SGCZ: variants seen among roughly 807,000 people sequenced by gnomAD.
SGCZ encodes zeta-sarcoglycan.
Under a neutral mutation model 41.3 loss-of-function variants are expected in SGCZ, and 40 were observed. The ratio of observed to expected loss-of-function variants is 0.97; its 90% CI spans 0.75 to 1.26. The LOEUF is 1.26. Among genes scored for constraint, SGCZ ranks in the 50% most tolerant of loss-of-function variants. SGCZ has a pLI of 0.00. For missense variants in SGCZ, 552 were observed against 369.8 expected (o/e 1.49, Z -4.04); for synonymous variants, 206 against 137.5 (o/e 1.50, Z -3.49).
intron 1 of SGCZ, among the ~76,000 whole-genome samples, chr8:14,833,320 G>C (rs1802593250): frequency 6.6e-6 from 1 of 151,886 alleles, no homozygotes; most frequent in Non-Finnish European, 1.5e-5. Flanking sequence ...TTGTCAACTG[G>C]AAAGAAAAAA....
At chr8:14,406,462 C>T (rs1258281222) in intron 2 of SGCZ, among the ~76,000 whole-genome samples, 1 of 152,104 alleles carries the variant, frequency 6.6e-6, no homozygotes, top group South Asian at 2.1e-4. Flanking sequence ...TTGTTCATTG[C>T]TGGGGAGCCA....
At chr8:14,975,434 T>C (rs1258605563) in intron 1 of SGCZ, among the ~76,000 whole-genome samples, 2 of 152,118 alleles carry the variant, frequency 1.3e-5, no homozygotes, top group Admixed American at 6.6e-5. Context: ...GATGTGTAAA[T>C]AACATTCACA....
At chr8:14,200,428 G>T (rs1805416258) in intron 4 of SGCZ, among the ~76,000 whole-genome samples, 1 of 152,034 alleles carries the variant, frequency 6.6e-6, no homozygotes, top group South Asian at 2.1e-4. Flanking sequence ...AAGAACATTG[G>T]ACAACTCACT....
chr8:15,073,142 C>G (rs1805415148), intron 1 of SGCZ, among the ~76,000 whole-genome samples: 1 of 152,050 alleles, frequency 6.6e-6, no homozygotes, highest in Non-Finnish European at 1.5e-5. Flanking sequence ...GCAAAGCTGA[C>G]CAGGCAGTGG....
In SGCZ at chr8:14,645,478, T is replaced by TTATATATATATATATATATATATA. The variant is rs1046258520; in HGVS notation, c.40-90553_40-90552insTATATATATATATATATATATATA. On this transcript the variant is annotated intron_variant, in intron 1 of 7. Transcript: ENST00000382080. ...AGTATCATTGATTATATATATATAT[T>TTATATATATATATATATATATATA]TATATGTATATATATATATATATGG... 1.6e-3 allele frequency among the ~76,000 whole-genome samples: 168 copies of TTATATATATATATATATATATATA among 106,514 alleles called. 4 individuals carry two copies. Among genetic ancestry groups the TTATATATATATATATATATATATA allele is most frequent in the East Asian group, 0.011 (33 of 2,966 alleles). 69.9% of individuals were successfully genotyped at this position (106,514 alleles called of 152,430 possible).
At chr8:14,098,910 T>C (rs1801926912) in intron 7 of SGCZ, among the ~76,000 whole-genome samples, 1 of 152,130 alleles carries the variant, frequency 6.6e-6, no homozygotes, top group African/African-American at 2.4e-5. Flanking sequence ...ATAGCCATAA[T>C]GGTGTTCTCT....
intron 5 of SGCZ, among the ~76,000 whole-genome samples, chr8:14,118,866 G>T (rs1468609850): frequency 6.6e-6 from 1 of 152,146 alleles, no homozygotes; most frequent in Non-Finnish European, 1.5e-5. Flanking sequence ...AAGATCAGAT[G>T]GTTGTGGATG....
intron 4 of SGCZ, among the ~76,000 whole-genome samples, chr8:14,198,832 C>T (rs992259989): frequency 3.3e-5 from 5 of 152,234 alleles, no homozygotes; most frequent in South Asian, 2.1e-4. Flanking sequence ...TCTGAACATA[C>T]ATTGTGAAGA....
intron 1 of SGCZ, among the ~76,000 whole-genome samples, chr8:14,906,913 A>G (rs1016658536): frequency 2.2e-4 from 34 of 152,228 alleles, no homozygotes; most frequent in Admixed American, 7.2e-4. Context: ...TTATGGAGTC[A>G]AAGTATTTTC....
chr8:14,785,178 G>C (rs1800730872), intron 1 of SGCZ, among the ~76,000 whole-genome samples: 1 of 151,058 alleles, frequency 6.6e-6, no homozygotes, highest in Non-Finnish European at 1.5e-5. Flanking sequence ...ATGTTTACTT[G>C]ATTGCTATCT....
In SGCZ at chr8:14,347,632, A is replaced by G. The variant is rs569256635; in HGVS notation, c.235-23428T>C. 6.3e-4 allele frequency among the ~76,000 whole-genome samples: 96 copies of G among 151,398 alleles called. No individual in the cohort carries two copies. In the East Asian group the frequency reaches 8.2e-3, roughly 13 times the overall value. On this transcript the variant is annotated intron_variant, in intron 2 of 7. Coordinates refer to ENST00000382080, the MANE Select transcript of SGCZ (RefSeq NM_139167.4). Reference sequence around the variant, plus strand: ...ATAAAAATTATAATTATAAAAAAAAATACATATACACATAGGTAAATCTCA... The same window carrying G: ...ATAAAAATTATAATTATAAAAAAAAGTACATATACACATAGGTAAATCTCA...
chr8:14,248,851 C>A (rs969052722), intron 3 of SGCZ, among the ~76,000 whole-genome samples: 1 of 151,644 alleles, frequency 6.6e-6, no homozygotes, highest in Non-Finnish European at 1.5e-5. Context: ...TGCATGTATG[C>A]TGTAACTTAA....
chr8:14,386,649 C>T (rs1016771505), intron 2 of SGCZ, among the ~76,000 whole-genome samples: 3 of 152,104 alleles, frequency 2.0e-5, no homozygotes, highest in African/African-American at 7.2e-5. Context: ...ATTTGGTTTA[C>T]ATTTTGTTCA....
intron 5 of SGCZ, among the ~76,000 whole-genome samples, chr8:14,110,297 A>G (rs1329992128): frequency 6.6e-6 from 1 of 152,178 alleles, no homozygotes; most frequent in Non-Finnish European, 1.5e-5. Flanking sequence ...GCACATGGAT[A>G]ACTATTTCAT....
chr8:14,521,036 T>C (rs1802773565), intron 2 of SGCZ, among the ~76,000 whole-genome samples: 1 of 151,240 alleles, frequency 6.6e-6, no homozygotes, highest in Non-Finnish European at 1.5e-5. Context: ...AGTCATAAGA[T>C]AAGAGAGAAT....
intron 4 of SGCZ, among the ~76,000 whole-genome samples, chr8:14,218,492 A>T (rs1039489804): frequency 6.6e-6 from 1 of 152,314 alleles, no homozygotes; most frequent in Middle Eastern, 3.4e-3. Flanking sequence ...TAAAGACAAA[A>T]GTTTCTGAAA....
At chr8:14,630,585 C>A (rs533338772) in intron 1 of SGCZ, among the ~76,000 whole-genome samples, 4 of 151,968 alleles carry the variant, frequency 2.6e-5, no homozygotes, top group African/African-American at 9.6e-5. Flanking sequence ...ATGTTTATTG[C>A]GGCACTATTC....
chr8:14,407,618 T>C lies in SGCZ; in HGVS notation c.235-83414A>G, dbSNP rs545816320. ...ATAGGTATATGATATAAAAATATAA[T>C]TCATAACTGTTGTATGCTAATCCTG... On this transcript the variant is annotated intron_variant, in intron 2 of 7. Coordinates refer to ENST00000382080, the MANE Select transcript of SGCZ (RefSeq NM_139167.4). Among the ~76,000 whole-genome samples, 4 of 152,296 alleles carry C rather than the reference T, an allele frequency of 2.6e-5. No individual in the cohort carries two copies. In the East Asian group the frequency reaches 7.7e-4, roughly 29 times the overall value.
intron 1 of SGCZ, among the ~76,000 whole-genome samples, chr8:14,809,983 A>G (rs1801690838): frequency 6.6e-6 from 1 of 152,110 alleles, no homozygotes; most frequent in African/African-American, 2.4e-5. Flanking sequence ...AAGAAACTCA[A>G]GCTGGCATAT....
Sources: allele counts gnomAD v4.1 joint callset (sites outside exome capture counted in the v4.1 genomes callset), GRCh38; gene constraint gnomAD v4.1.1; transcripts MANE v1.5; gene names NCBI Gene and HGNC (gene_info 2026-07-23, HGNC 2026-07-21).